Variants in KCNIP4 observed in about 807,000 individuals in gnomAD.
The protein encoded by KCNIP4 is potassium voltage-gated channel interacting protein 4.
A neutral mutation model predicts 34.0 loss-of-function variants in KCNIP4; 12 were observed. The ratio of observed to expected loss-of-function variants is 0.35; its 90% CI spans 0.23 to 0.57. KCNIP4 has a LOEUF of 0.57. Ranked by LOEUF, KCNIP4 falls within the 20% of genes least tolerant of loss-of-function variation. KCNIP4 has a pLI of 0.83. For missense variants in KCNIP4, 238 were observed against 311.7 expected (o/e 0.76, Z 1.78); for synonymous variants, 124 against 102.2 (o/e 1.21, Z -1.29).
chr4:21,122,886 A>AT (rs1394406089), intron 1 of KCNIP4, among the ~76,000 whole-genome samples: 2 of 152,064 alleles, frequency 1.3e-5, no homozygotes, highest in African/African-American at 4.8e-5. Context: ...TTCTCTGGAC[A>AT]TTTTTTCCCC....
At chr4:21,695,220 T>C (rs942806263) in intron 1 of KCNIP4, among the ~76,000 whole-genome samples, 1 of 152,126 alleles carries the variant, frequency 6.6e-6, no homozygotes, top group Non-Finnish European at 1.5e-5. Context: ...ATCTAGTAAA[T>C]GCATAAATTG....
chr4:21,752,108 A>T (rs771310090), intron 1 of KCNIP4, among the ~76,000 whole-genome samples: 2 of 152,106 alleles, frequency 1.3e-5, no homozygotes, highest in African/African-American at 2.4e-5. Context: ...CCACTTTATA[A>T]GGGAAGAGAT....
At chr4:21,137,925 G>A (rs931079045) in intron 1 of KCNIP4, among the ~76,000 whole-genome samples, 1 of 133,716 alleles carries the variant, frequency 7.5e-6, no homozygotes, top group Non-Finnish European at 1.5e-5. Context: ...AGGCTAGACT[G>A]CAATGGTATG....
intron 1 of KCNIP4, among the ~76,000 whole-genome samples, chr4:21,447,739 ATATCT>A (rs1728154274): frequency 1.3e-5 from 2 of 152,280 alleles, no homozygotes; most frequent in Non-Finnish European, 2.9e-5. Flanking sequence ...CTTTCTCAAA[ATATCT>A]TATTATGTTG....
intron 1 of KCNIP4, among the ~76,000 whole-genome samples, chr4:21,234,099 A>T (rs1294444478): frequency 4.3e-5 from 5 of 117,070 alleles, no homozygotes; most frequent in Non-Finnish European, 8.0e-5. Context: ...ATTATATATA[A>T]CATATATAAC....
chr4:20,981,970 G>A (rs930815927), intron 1 of KCNIP4, among the ~76,000 whole-genome samples: 6 of 152,102 alleles, frequency 3.9e-5, no homozygotes, highest in Admixed American at 1.3e-4. Context: ...TTCTAGTTGG[G>A]GGAGTCAGGT....
intron 5 of KCNIP4, among the ~76,000 whole-genome samples, chr4:20,744,091 A>G (rs1361869760): frequency 2.0e-5 from 3 of 152,190 alleles, no homozygotes; most frequent in African/African-American, 2.4e-5. Flanking sequence ...TAGAATGACA[A>G]TCATTAAGAA....
intron 1 of KCNIP4, among the ~76,000 whole-genome samples, chr4:21,199,664 A>G (rs1756323610): frequency 6.6e-6 from 1 of 151,932 alleles, no homozygotes; most frequent in African/African-American, 2.4e-5. Context: ...CTTGAATGGT[A>G]TTGCCTAGGT....
At chr4:20,947,387 T>C (rs537977338) in intron 1 of KCNIP4, among the ~76,000 whole-genome samples, 2 of 152,274 alleles carry the variant, frequency 1.3e-5, no homozygotes, top group South Asian at 4.1e-4. Context: ...CAGGCTGGTC[T>C]CAAACTCCTG....
chr4:21,122,769 A>G (rs1452298327), intron 1 of KCNIP4, among the ~76,000 whole-genome samples: 1 of 152,184 alleles, frequency 6.6e-6, no homozygotes, highest in Non-Finnish European at 1.5e-5. Context: ...TTCAACTTTA[A>G]GTTGATTCTA....
intron 1 of KCNIP4, among the ~76,000 whole-genome samples, chr4:21,784,140 G>C (rs1341345845): frequency 6.6e-6 from 1 of 151,666 alleles, no homozygotes; most frequent in African/African-American, 2.4e-5. Flanking sequence ...AGGCGGTGGG[G>C]GGTGGGGTCG....
At chr4:21,825,579 T>C (rs1722631474) in intron 1 of KCNIP4, among the ~76,000 whole-genome samples, 1 of 152,148 alleles carries the variant, frequency 6.6e-6, no homozygotes, top group South Asian at 2.1e-4. Context: ...GGTAATGACA[T>C]GAAGTATGTG....
intron 3 of KCNIP4, among the ~76,000 whole-genome samples, chr4:20,782,874 T>G (rs1756991502): frequency 6.6e-6 from 1 of 152,214 alleles, no homozygotes; most frequent in Non-Finnish European, 1.5e-5. Context: ...ATTGTCAGGC[T>G]GCAAATTTTC....
At chr4:21,116,181 C>A (rs1749660510) in intron 1 of KCNIP4, among the ~76,000 whole-genome samples, 1 of 152,118 alleles carries the variant, frequency 6.6e-6, no homozygotes, top group African/African-American at 2.4e-5. Context: ...TTTAAAATTC[C>A]TTTTCTTGAA....
At chr4:21,047,323 T>C (rs188623550) in intron 1 of KCNIP4, among the ~76,000 whole-genome samples, 102 of 152,302 alleles carry the variant, frequency 6.7e-4, no homozygotes, top group Non-Finnish European at 1.1e-3. Context: ...GTGCTTACCA[T>C]ATAATGATTG....
At chr4:20,911,739 T>C (rs1416752638) in intron 1 of KCNIP4, among the ~76,000 whole-genome samples, 1 of 152,190 alleles carries the variant, frequency 6.6e-6, no homozygotes, top group African/African-American at 2.4e-5. Flanking sequence ...GGATTCACAC[T>C]CTATTTTAAA....
intron 1 of KCNIP4, among the ~76,000 whole-genome samples, chr4:21,682,729 A>G (rs1373638549): frequency 6.6e-6 from 1 of 152,118 alleles, no homozygotes; most frequent in Non-Finnish European, 1.5e-5. Flanking sequence ...AACTAATTGT[A>G]ATACTGTTGT....
intron 1 of KCNIP4, among the ~76,000 whole-genome samples, chr4:21,720,072 A>G (rs1314426387): frequency 6.6e-6 from 1 of 151,810 alleles, no homozygotes; most frequent in Non-Finnish European, 1.5e-5. Context: ...AGAAGAAAAA[A>G]AAAACAGGGC....
chr4:21,156,083 TTAAG>T (rs1753128628), intron 1 of KCNIP4, among the ~76,000 whole-genome samples: 1 of 152,160 alleles, frequency 6.6e-6, no homozygotes, highest in African/African-American at 2.4e-5. Flanking sequence ...AATATATTGA[TTAAG>T]TAATAATAAT....
Sources: gnomAD v4.1 joint callset for allele counts (sites outside exome capture counted in the v4.1 genomes callset) on GRCh38, gnomAD v4.1.1 for gene constraint, MANE v1.5 for transcripts, NCBI Gene and HGNC (gene_info 2026-07-23, HGNC 2026-07-21) for gene names.